The following CA10 variants were observed in gnomAD, a reference collection of about 807,000 sequenced individuals.
CA10 encodes the protein carbonic anhydrase-related protein 10.
CA10 carries 14 observed loss-of-function variants against 44.2 expected under a neutral mutation model. The ratio of observed to expected loss-of-function variants is 0.32; its 90% confidence interval spans 0.21 to 0.50. CA10 has a LOEUF of 0.50. Among genes scored for constraint, CA10 ranks in the 20% least tolerant of loss-of-function variants. The probability of loss-of-function intolerance (pLI) is 0.99; values close to 1 mark genes in which losing one functional copy is unlikely to be tolerated. For synonymous variants in CA10, 159 were observed against 141.6 expected, an observed-to-expected ratio of 1.12 and a Z score of -0.87; for missense variants, 350 against 409.7, an observed-to-expected ratio of 0.85 and a Z score of 1.26.
At position 51,886,170 on chromosome 17, in the gene CA10, G is replaced by A. The variant is rs535801042; in HGVS notation, c.279+44820C>T. Reference sequence around the variant, plus strand: ...ACAGCCACCTGCATTATTTTCTAAAGACCATCCCTTAGAGCTGTTTTTAGA... The same window carrying A: ...ACAGCCACCTGCATTATTTTCTAAAAACCATCCCTTAGAGCTGTTTTTAGA... On this transcript the variant is annotated intron_variant, in intron 3 of 8. Coordinates refer to ENST00000451037, the MANE Select transcript of CA10 (RefSeq NM_020178.5). Among the ~76,000 whole-genome samples the A allele has an allele frequency of 7.9e-5, 12 of 152,304 alleles. No individual in the cohort carries two copies. The South Asian group carries it at 2.5e-3, about 32-fold the overall frequency.
rs984357126 is a variant in CA10, at chr17:51,815,377, G to A, written c.280-67559C>T. On this transcript the variant is annotated intron_variant, in intron 3 of 8. Transcript: ENST00000451037. ...GGATTACTGAAGACAGCATTGTTCC[G>A]TTGCCTGAGAGTCAGTGTTCAAGCC... 5.9e-5 allele frequency among the ~76,000 whole-genome samples: 9 copies of A among 152,282 alleles called. No individual in the cohort carries two copies. The South Asian group carries it at 8.3e-4, about 14-fold the overall frequency.
At chr17:51,845,193 T>C (rs1978438026) in intron 3 of CA10, among the ~76,000 whole-genome samples, 1 of 152,220 alleles carries the variant, frequency 6.6e-6, no homozygotes, top group African/African-American at 2.4e-5. Context: ...TACTTTTTTA[T>C]TGTTTTAAGC....
At chr17:51,761,067 C>T (rs1241594383) in intron 3 of CA10, among the ~76,000 whole-genome samples, 1 of 152,194 alleles carries the variant, frequency 6.6e-6, no homozygotes, top group Non-Finnish European at 1.5e-5. Context: ...TCTTCCTTCC[C>T]AAGCTGCCCT....
intron 1 of CA10, among the ~76,000 whole-genome samples, chr17:52,125,452 G>A (rs1989098485): frequency 6.6e-6 from 1 of 152,162 alleles, no homozygotes; most frequent in African/African-American, 2.4e-5. Flanking sequence ...GTCCCATCAT[G>A]CATGCACAGT....
intron 1 of CA10, among the ~76,000 whole-genome samples, chr17:52,108,517 T>C (rs1163202215): frequency 6.6e-6 from 1 of 151,304 alleles, no homozygotes; most frequent in African/African-American, 2.4e-5. Flanking sequence ...ACCAACATGC[T>C]GAAACCCCGT....
chr17:51,844,471 T>A (rs942361389), intron 3 of CA10, among the ~76,000 whole-genome samples: 1 of 152,216 alleles, frequency 6.6e-6, no homozygotes, highest in African/African-American at 2.4e-5. Flanking sequence ...AAATTTTCAA[T>A]GTAAAATCCA....
In CA10 at chr17:52,076,045, C is replaced by CA. The variant is rs544579247; in HGVS notation, c.62-3653dup. On this transcript the variant is annotated intron_variant, in intron 1 of 8. Transcript: ENST00000451037. The stretch of plus-strand genomic sequence containing the variant: ...GCATACATGCATGTTGTCAAGACGG[C>CA]AAAAAAGGGAAAGCTAACTCTAATA... Among the ~76,000 whole-genome samples, 345 of 151,984 alleles carry CA rather than the reference C, an allele frequency of 2.3e-3. 2 individuals are homozygous for CA. The highest frequency in any genetic ancestry group is 3.2e-3 in the Non-Finnish European group (216 of 67,894).
chr17:52,020,537 CTTTAT>C (rs903597379), intron 2 of CA10, among the ~76,000 whole-genome samples: 2 of 151,766 alleles, frequency 1.3e-5, no homozygotes, highest in Non-Finnish European at 2.9e-5. Context: ...CTAAAAATGT[CTTTAT>C]TTTGTCTTTA....
intron 3 of CA10, among the ~76,000 whole-genome samples, chr17:51,780,186 A>T (rs1193110786): frequency 6.6e-6 from 1 of 152,228 alleles, no homozygotes; most frequent in Non-Finnish European, 1.5e-5. Flanking sequence ...TGTGACTTAG[A>T]TGTCTTCCTG....
At chr17:51,887,014 T>C (rs1176694371) in intron 3 of CA10, among the ~76,000 whole-genome samples, 3 of 152,162 alleles carry the variant, frequency 2.0e-5, no homozygotes, top group Non-Finnish European at 4.4e-5. Context: ...ATCACACCAC[T>C]GTCTTTCCAG....
At chr17:52,039,017 TA>T (rs1453755576) in intron 2 of CA10, among the ~76,000 whole-genome samples, 1 of 152,184 alleles carries the variant, frequency 6.6e-6, no homozygotes, top group Non-Finnish European at 1.5e-5. Flanking sequence ...AGAACGGAAT[TA>T]AATGATTTCT....
intron 2 of CA10, among the ~76,000 whole-genome samples, chr17:52,008,635 C>G (rs889174531): frequency 1.3e-5 from 2 of 151,690 alleles, no homozygotes; most frequent in African/African-American, 4.8e-5. Flanking sequence ...TATAGATCCT[C>G]CAGTATCTTT....
intron 2 of CA10, among the ~76,000 whole-genome samples, chr17:51,963,013 C>A (rs2144054313): frequency 6.6e-6 from 1 of 152,158 alleles, no homozygotes; most frequent in East Asian, 1.9e-4. Context: ...AAAGTCAACA[C>A]AAATAAACTC....
intron 4 of CA10, among the ~76,000 whole-genome samples, chr17:51,724,619 ATT>A (rs1402406977): frequency 6.6e-6 from 1 of 152,134 alleles, no homozygotes; most frequent in Non-Finnish European, 1.5e-5. Flanking sequence ...CTTTTTTTAA[ATT>A]TTGTTTTCTC....
chr17:51,850,662 A>G (rs967000544), intron 3 of CA10, among the ~76,000 whole-genome samples: 1 of 152,206 alleles, frequency 6.6e-6, no homozygotes, highest in Non-Finnish European at 1.5e-5. Context: ...TAGGCAGCAG[A>G]TATTGCACTG....
At chr17:51,823,453 G>A (rs1013353861) in intron 3 of CA10, among the ~76,000 whole-genome samples, 3 of 152,184 alleles carry the variant, frequency 2.0e-5, no homozygotes, top group Non-Finnish European at 4.4e-5. Context: ...AACTGCCAAG[G>A]GGCTGCTTTC....
At chr17:51,997,206 C>T (rs749191358) in intron 2 of CA10, among the ~76,000 whole-genome samples, 3 of 152,144 alleles carry the variant, frequency 2.0e-5, no homozygotes, top group South Asian at 2.1e-4. Flanking sequence ...ATAGTACTTA[C>T]GCTAATTTAC....
intron 1 of CA10, among the ~76,000 whole-genome samples, chr17:52,148,097 T>C (rs1567748690): frequency 1.3e-5 from 2 of 152,150 alleles, no homozygotes; most frequent in Admixed American, 6.5e-5. Context: ...GGGGAAGTAA[T>C]GTTTTCTGAC....
chr17:51,987,712 T>G (rs1024709482), intron 2 of CA10, among the ~76,000 whole-genome samples: 2 of 151,864 alleles, frequency 1.3e-5, no homozygotes, highest in Non-Finnish European at 2.9e-5. Flanking sequence ...TGGAAAAAAG[T>G]AACAGCAATA....
Sources: gnomAD v4.1 joint callset for allele counts (sites outside exome capture counted in the v4.1 genomes callset) on GRCh38, gnomAD v4.1.1 for gene constraint, MANE v1.5 for transcripts, NCBI Gene and HGNC (gene_info 2026-07-23, HGNC 2026-07-21) for gene names.